Variants in CLINT1 observed in about 807,000 individuals in gnomAD.
CLINT1 encodes clathrin interacting protein localized in the trans-Golgi region.
CLINT1 carries 15 observed loss-of-function variants against 70.4 expected under a neutral mutation model. The ratio of observed to expected loss-of-function variants is 0.21; its 90% CI spans 0.14 to 0.33. CLINT1 has a LOEUF of 0.33. CLINT1 is among the 10% of genes least tolerant of loss of function. The probability of loss-of-function intolerance (pLI) is 1.00; values close to 1 mark genes in which losing one functional copy is unlikely to be tolerated. For missense variants in CLINT1, 615 were observed against 778.1 expected (o/e 0.79, Z 2.49); for synonymous variants, 227 against 254.7 (o/e 0.89, Z 1.04).
At chr5:157,800,159 A>G (rs527516090) in intron 8 of CLINT1, among the ~76,000 whole-genome samples, 119 of 152,292 alleles carry the variant, frequency 7.8e-4, no homozygotes, top group African/African-American at 2.7e-3. Flanking sequence ...TTTTACATAT[A>G]TATTTTTAAA....
chr5:157,804,406 T>C (rs1252388397), intron 7 of CLINT1, among the ~76,000 whole-genome samples: 1 of 152,248 alleles, frequency 6.6e-6, no homozygotes, highest in Non-Finnish European at 1.5e-5. Flanking sequence ...ACCTATGTCC[T>C]ATATGTTAGA....
At chr5:157,850,699 A>C (rs900955545) in intron 1 of CLINT1, among the ~76,000 whole-genome samples, 1 of 151,894 alleles carries the variant, frequency 6.6e-6, no homozygotes, top group Non-Finnish European at 1.5e-5. Context: ...CGTATAACCT[A>C]AGTCACTTTA....
chr5:157,803,670 T>A lies in CLINT1; in HGVS notation c.992A>T (p.Asp331Val), dbSNP rs750695619. Residue 331 changes from aspartate (D) to valine (V), a missense_variant, in exon 8 of 12, where the codon GAT (aspartate) becomes GTT (valine). This residue lies in a region of CLINT1 where 374 missense variants were observed against 409.6 expected (regional missense o/e 0.91). Transcript: ENST00000411809. ...CTTACCTGTTGACTGGCTGGTGCCA[T>A]CAAACAGATCAACAAGGTCACCAGA... ...KSSGDLVDLFDGTSQSTGGSA... is the reference protein window; with the variant it reads ...KSSGDLVDLFVGTSQSTGGSA... The A allele has an allele frequency of 2.0e-6, 3 of 1,534,798 alleles. No individual in the cohort carries two copies. The highest frequency in any genetic ancestry group is 2.7e-6 in the Non-Finnish European group (3 of 1,129,830).
At chr5:157,813,379 T>C (rs1230664735) in intron 4 of CLINT1, among the ~76,000 whole-genome samples, 152 bp from the exon 5 acceptor site, 1 of 152,212 alleles carries the variant, frequency 6.6e-6, no homozygotes, top group Non-Finnish European at 1.5e-5. Flanking sequence ...TATTTAACTT[T>C]GTCATTTCCT....
At chr5:157,801,559 G>A (rs1339160803) in intron 8 of CLINT1, among the ~76,000 whole-genome samples, 1 of 146,764 alleles carries the variant, frequency 6.8e-6, no homozygotes, top group African/African-American at 2.5e-5. Context: ...TGGGCTGGGT[G>A]CAGTGGCTCA....
intron 3 of CLINT1, 91 bp downstream of exon 3, chr5:157,816,643 T>C: frequency 1.3e-6 from 1 of 784,842 alleles, no homozygotes; most frequent in Non-Finnish European, 2.1e-6. Flanking sequence ...TAGGATTTAA[T>C]ATACTTCAAA....
intron 1 of CLINT1, among the ~76,000 whole-genome samples, chr5:157,824,691 T>C (rs1762980451): frequency 6.6e-6 from 1 of 152,148 alleles, no homozygotes; most frequent in South Asian, 2.1e-4. Flanking sequence ...AAAATAAAGT[T>C]TGGAAAAGTA....
intron 6 of CLINT1, 90 bp downstream of exon 6, chr5:157,809,538 C>T: frequency 1.9e-6 from 2 of 1,033,576 alleles, no homozygotes; most frequent in Non-Finnish European, 2.7e-6. Flanking sequence ...AATGTTAATA[C>T]CCCAAACAAA....
Position 157,794,941 on chromosome 5 carries a change from A to G in CLINT1, c.1044T>C (p.Ala348=). The part of the protein sequence containing the change: ...GGSADLFGGF[A]DFGSAAASGS... ...CTGATGCAGCAGCTGAGCCAAAGTC[A>G]GCAAATCCTCCGAATAAATCAGCTG... Residue 348 remains alanine, a synonymous_variant, in exon 9 of 12, where the codon GCT becomes GCC. Transcript: ENST00000411809. The G allele has an allele frequency of 6.4e-7, 1 of 1,556,532 alleles. No homozygotes were observed. Among genetic ancestry groups the G allele is most frequent in the Non-Finnish European group, 8.7e-7 (1 of 1,149,546 alleles).
intron 1 of CLINT1, among the ~76,000 whole-genome samples, chr5:157,843,034 T>C (rs751054687): frequency 1.3e-5 from 2 of 152,158 alleles, no homozygotes; most frequent in African/African-American, 4.8e-5. Context: ...ATATCCAAGG[T>C]ACTCAAAAAT....
chr5:157,812,965 G>C, intron 5 of CLINT1, 98 bp downstream of exon 5: 2 of 1,189,564 alleles, frequency 1.7e-6, no homozygotes, highest in Non-Finnish European at 2.4e-6. Context: ...TCCTAGAAAA[G>C]AAAATTAGCA....
intron 7 of CLINT1, among the ~76,000 whole-genome samples, chr5:157,804,783 C>T (rs890531342): frequency 1.3e-5 from 2 of 151,816 alleles, no homozygotes; most frequent in African/African-American, 4.8e-5. Flanking sequence ...AAAAATTAGC[C>T]GGGCATGGTG....
At chr5:157,832,287 C>A (rs1034005332) in intron 1 of CLINT1, among the ~76,000 whole-genome samples, 15 of 152,318 alleles carry the variant, frequency 9.8e-5, no homozygotes, top group Admixed American at 7.2e-4. Context: ...CCAGCCAGAG[C>A]TGCTTTTTAC....
intron 1 of CLINT1, among the ~76,000 whole-genome samples, chr5:157,848,405 A>AT (rs1368287472): frequency 3.4e-5 from 5 of 148,614 alleles, no homozygotes; most frequent in African/African-American, 1.0e-4. Flanking sequence ...CCTAAGAATT[A>AT]TTATTTTTTT....
rs145157130 is a variant in CLINT1, at chr5:157,853,173, C to G, written c.41+5757G>C. On this transcript the variant is annotated intron_variant, in intron 1 of 11. Coordinates refer to ENST00000411809, the MANE Select transcript of CLINT1 (RefSeq NM_014666.4). ...GACCAGCCTGGCCAAAGTGATGAAA[C>G]CCCGTCTCTACAAAAATTAGCTGGG... 8.0e-5 allele frequency among the ~76,000 whole-genome samples: 12 copies of G among 150,634 alleles called. No individual in the cohort carries two copies. In the East Asian group the frequency reaches 2.4e-3, roughly 30 times the overall value.
intron 1 of CLINT1, among the ~76,000 whole-genome samples, chr5:157,830,957 C>A (rs565851383): frequency 7.4e-4 from 113 of 151,684 alleles, no homozygotes; most frequent in Middle Eastern, 6.8e-3. Context: ...GGTGGAAAGA[C>A]TGCTTGGGCC....
At chr5:157,840,015 G>C (rs12522182) in intron 1 of CLINT1, among the ~76,000 whole-genome samples, 1 of 151,746 alleles carries the variant, frequency 6.6e-6, no homozygotes, top group Admixed American at 6.6e-5. Context: ...TCAGCAGTTC[G>C]AGACCAGGCT....
intron 1 of CLINT1, among the ~76,000 whole-genome samples, chr5:157,829,530 A>C (rs1345491057): frequency 1.3e-5 from 2 of 151,156 alleles, no homozygotes; most frequent in Non-Finnish European, 2.9e-5. Flanking sequence ...GAGATAATGC[A>C]CTTTTTTTTG....
intron 1 of CLINT1, among the ~76,000 whole-genome samples, chr5:157,829,706 T>G (rs1487786655): frequency 7.0e-6 from 1 of 142,900 alleles, no homozygotes; most frequent in African/African-American, 2.8e-5. Context: ...TTTTTTTTTT[T>G]TTTTTTTGTA....
Sources: gnomAD v4.1 joint callset for allele counts (sites outside exome capture counted in the v4.1 genomes callset) on GRCh38, gnomAD v4.1.1 for gene constraint, gnomAD v4.1.1 regional missense constraint, MANE v1.5 for transcripts, NCBI Gene and HGNC (gene_info 2026-07-23, HGNC 2026-07-21) for gene names.